Variants in ITGA8 observed in about 807,000 individuals in gnomAD.
ITGA8 encodes the protein integrin subunit alpha 8, also known as integrin alpha-8.
A neutral mutation model predicts 142.3 loss-of-function variants in ITGA8; 91 were observed. That is an observed-to-expected ratio of 0.64 (90% CI 0.54 to 0.76). The LOEUF (loss-of-function observed/expected upper bound fraction) is 0.76. Among genes scored for constraint, ITGA8 ranks in the 30% least tolerant of loss-of-function variants. The pLI is 0.00. For missense variants in ITGA8, 1,406 were observed against 1,327.7 expected (o/e 1.06, Z -0.92); for synonymous variants, 505 against 485.2 (o/e 1.04, Z -0.54).
chr10:15,683,446 C>T (rs1217499667), intron 4 of ITGA8, among the ~76,000 whole-genome samples: 1 of 152,090 alleles, frequency 6.6e-6, no homozygotes, highest in Non-Finnish European at 1.5e-5. Flanking sequence ...TGCTTGGCTG[C>T]AAGATTCCTA....
intron 8 of ITGA8, among the ~76,000 whole-genome samples, chr10:15,662,403 A>G (rs1319579620): frequency 3.8e-5 from 5 of 131,370 alleles, no homozygotes; most frequent in Non-Finnish European, 6.1e-5. Context: ...TGGCATGATC[A>G]TCATGGCTCA....
chr10:15,654,131 C>T (rs1033988811), intron 11 of ITGA8, among the ~76,000 whole-genome samples: 7 of 152,166 alleles, frequency 4.6e-5, no homozygotes, highest in African/African-American at 1.7e-4. Context: ...CTACCGCACC[C>T]GGCCCCTCTG....
At chr10:15,567,331 A>G (rs1478131910) in intron 25 of ITGA8, among the ~76,000 whole-genome samples, 1 of 152,176 alleles carries the variant, frequency 6.6e-6, no homozygotes, top group South Asian at 2.1e-4. Context: ...GATAGTTTGA[A>G]ATAATTATTG....
chr10:15,589,717 A>G (rs571244062), intron 22 of ITGA8, among the ~76,000 whole-genome samples: 1 of 152,100 alleles, frequency 6.6e-6, no homozygotes, highest in African/African-American at 2.4e-5. Flanking sequence ...CTCACCTCTC[A>G]AATACCCTAG....
In ITGA8 at chr10:15,599,674, A is replaced by G. The variant is rs190265909; in HGVS notation, c.2119-2375T>C. Reference sequence around the variant, plus strand: ...GGTGGCTGATATCTGTAATCCCAGCACTTTGGGAGGCCGAGGCAGGTGGAT... The same window carrying G: ...GGTGGCTGATATCTGTAATCCCAGCGCTTTGGGAGGCCGAGGCAGGTGGAT... On this transcript the variant is annotated intron_variant, in intron 20 of 29. Coordinates refer to ENST00000378076, the MANE Select transcript of ITGA8 (RefSeq NM_003638.3). Among the ~76,000 whole-genome samples the G allele has an allele frequency of 4.0e-3, 614 of 151,712 alleles. 4 individuals carry two copies. Among genetic ancestry groups the G allele is most frequent in the Non-Finnish European group, 5.7e-3 (390 of 67,952 alleles).
chr10:15,682,979 C>G (rs1184920425), intron 4 of ITGA8, among the ~76,000 whole-genome samples: 1 of 151,476 alleles, frequency 6.6e-6, no homozygotes, highest in Non-Finnish European at 1.5e-5. Context: ...GGCATTTGAT[C>G]ATTATCTTCC....
At chr10:15,520,445 C>T (rs1010333281) in intron 28 of ITGA8, among the ~76,000 whole-genome samples, 3 of 152,128 alleles carry the variant, frequency 2.0e-5, no homozygotes, top group Non-Finnish European at 2.9e-5. Flanking sequence ...AACACAAAAA[C>T]AAAGATCATA....
At position 15,604,207 on chromosome 10, in the gene ITGA8, C is replaced by T. The variant is rs765261373; in HGVS notation, c.2118+1G>A. On this transcript the variant is annotated splice_donor_variant, in intron 20 of 29. Transcript: ENST00000378076. LOFTEE classifies it high-confidence loss of function. Reference sequence around the variant, plus strand: ...GACTTCAAACAATTTGCAGGCATTACCTTGTTGTTGCGTTCGATTCCAACA... The same window carrying T: ...GACTTCAAACAATTTGCAGGCATTATCTTGTTGTTGCGTTCGATTCCAACA... 1 of 1,607,508 alleles carries T rather than the reference C, an allele frequency of 6.2e-7. No homozygotes were observed. The highest frequency in any genetic ancestry group is 8.5e-7 in the Non-Finnish European group (1 of 1,177,928).
At chr10:15,575,370 A>G in intron 24 of ITGA8, 119 bp downstream of exon 24, 1 of 736,518 alleles carries the variant, frequency 1.4e-6, no homozygotes, top group Non-Finnish European at 2.3e-6. Context: ...AGCCTGGGAG[A>G]CACAGCGAGA....
At chr10:15,684,879 T>G (rs1834807150) in intron 3 of ITGA8, among the ~76,000 whole-genome samples, 1 of 152,214 alleles carries the variant, frequency 6.6e-6, no homozygotes, top group South Asian at 2.1e-4. Flanking sequence ...GACTTTCAAA[T>G]TAAAGGATGC....
intron 20 of ITGA8, 47 bp from the exon 21 acceptor site, chr10:15,597,346 T>G (rs1412148344): frequency 2.7e-6 from 4 of 1,487,348 alleles, no homozygotes; most frequent in Middle Eastern, 3.4e-4. Context: ...ATAAATGACA[T>G]CCTGACACAA....
intron 2 of ITGA8, among the ~76,000 whole-genome samples, chr10:15,692,385 A>G (rs1834953068): frequency 6.7e-6 from 1 of 150,202 alleles, no homozygotes; most frequent in Admixed American, 6.6e-5. Context: ...AACTTAAAAG[A>G]AGCATTTTCT....
chr10:15,543,427 C>A (rs1833610267), intron 27 of ITGA8, among the ~76,000 whole-genome samples: 1 of 152,202 alleles, frequency 6.6e-6, no homozygotes, highest in Admixed American at 6.5e-5. Context: ...ACCCAAACTG[C>A]AAGAGCATCT....
chr10:15,526,994 C>T (rs1833187536), intron 28 of ITGA8, among the ~76,000 whole-genome samples: 2 of 152,106 alleles, frequency 1.3e-5, no homozygotes, highest in South Asian at 4.1e-4. Flanking sequence ...AAAAAGCTCC[C>T]TTGTATTTGC....
At position 15,594,082 on chromosome 10, in the gene ITGA8, C is replaced by T. The variant is rs145467431; in HGVS notation, c.2212-1778G>A. ...GTCTCATACTCCTGACCTCATGATC[C>T]GCCCGCCTTGACCTCCCCAAGTGCT... On this transcript the variant is annotated intron_variant, in intron 21 of 29. Transcript: ENST00000378076. 1.0e-3 allele frequency among the ~76,000 whole-genome samples: 154 copies of T among 152,112 alleles called. 1 individual carries two copies. The East Asian group carries it at 0.028, about 27-fold the overall frequency.
intron 15 of ITGA8, among the ~76,000 whole-genome samples, chr10:15,608,914 G>T (rs1833245552): frequency 6.6e-6 from 1 of 152,088 alleles, no homozygotes; most frequent in South Asian, 2.1e-4. Flanking sequence ...TACAGTTGGG[G>T]TAAGACTGGA....
chr10:15,525,342 C>T (rs1305886310), intron 28 of ITGA8, among the ~76,000 whole-genome samples: 1 of 151,912 alleles, frequency 6.6e-6, no homozygotes, highest in African/African-American at 2.4e-5. Flanking sequence ...TTCTAATAGT[C>T]ACGTTAAAAG....
At chr10:15,690,978 T>C (rs1361871030) in intron 2 of ITGA8, among the ~76,000 whole-genome samples, 1 of 152,012 alleles carries the variant, frequency 6.6e-6, no homozygotes, top group Non-Finnish European at 1.5e-5. Context: ...CTAAAATACA[T>C]AAGGAACTCA....
intron 2 of ITGA8, among the ~76,000 whole-genome samples, chr10:15,696,661 G>C (rs1159969216): frequency 2.6e-5 from 4 of 152,048 alleles, no homozygotes; most frequent in African/African-American, 9.7e-5. Flanking sequence ...AATTTTATAT[G>C]TATATTTCCT....
Sources: gnomAD v4.1 joint callset for allele counts (sites outside exome capture counted in the v4.1 genomes callset) on GRCh38, gnomAD v4.1.1 for gene constraint, MANE v1.5 for transcripts, NCBI Gene and HGNC (gene_info 2026-07-23, HGNC 2026-07-21) for gene names.